Variants in TRIM44 observed in about 807,000 individuals in gnomAD.
TRIM44 encodes tripartite motif containing 44.
In TRIM44, 13 loss-of-function variants were observed where a neutral mutation model predicts 37.4. The ratio of observed to expected loss-of-function variants is 0.35; its 90% CI spans 0.23 to 0.55. TRIM44 has a LOEUF of 0.55. Among genes scored for constraint, TRIM44 ranks in the 20% least tolerant of loss-of-function variants. TRIM44 has a pLI of 0.89. For missense variants in TRIM44, 426 were observed against 437.2 expected (o/e 0.97, Z 0.23); for synonymous variants, 175 against 157.2 (o/e 1.11, Z -0.85).
In TRIM44 at chr11:35,757,406, C is replaced by T. The variant is rs550883259; in HGVS notation, c.1007+21961C>T. Among the ~76,000 whole-genome samples, 8 of 152,130 alleles carry T rather than the reference C, an allele frequency of 5.3e-5. No homozygotes were observed. The South Asian group carries it at 1.7e-3, about 32-fold the overall frequency. Reference sequence around the variant, plus strand: ...ATTCTTCTCTCTTTTCTTCATTAGTCTTGCTAGCAGTCTATCAATTTTGTT... The same window carrying T: ...ATTCTTCTCTCTTTTCTTCATTAGTTTTGCTAGCAGTCTATCAATTTTGTT... On this transcript the variant is annotated intron_variant, in intron 4 of 4. Coordinates refer to ENST00000299413, the MANE Select transcript of TRIM44 (RefSeq NM_017583.6).
chr11:35,798,415 A>G (rs1853321386), intron 4 of TRIM44, among the ~76,000 whole-genome samples: 1 of 152,208 alleles, frequency 6.6e-6, no homozygotes, highest in African/African-American at 2.4e-5. Context: ...TTTTCCTTTC[A>G]TAGTTCATTG....
chr11:35,781,277 A>G (rs1384600848), intron 4 of TRIM44, among the ~76,000 whole-genome samples: 1 of 152,148 alleles, frequency 6.6e-6, no homozygotes, highest in Non-Finnish European at 1.5e-5. Flanking sequence ...ATAACAGTGA[A>G]GCATGTTTCT....
rs192148703 is a variant in TRIM44, at chr11:35,780,757, A to G, written c.1008-25601A>G. Among the ~76,000 whole-genome samples, 150 of 148,560 alleles carry G rather than the reference A, an allele frequency of 1.0e-3. 2 individuals are homozygous for G. Among genetic ancestry groups the G allele is most frequent in the Admixed American group, 9.3e-3 (138 of 14,876 alleles). The stretch of plus-strand genomic sequence containing the variant: ...ACATATTAAATACATAGTACCCATC[A>G]GCCCCACCCCCACCCTCAGTCTGAA... On this transcript the variant is annotated intron_variant, in intron 4 of 4. Coordinates refer to ENST00000299413, the MANE Select transcript of TRIM44 (RefSeq NM_017583.6).
chr11:35,716,955 A>G (rs547771396), intron 2 of TRIM44, among the ~76,000 whole-genome samples: 66 of 152,212 alleles, frequency 4.3e-4, no homozygotes, highest in Non-Finnish European at 6.8e-4. Flanking sequence ...ATTGCAGTAT[A>G]CACATAAAGT....
intron 2 of TRIM44, among the ~76,000 whole-genome samples, chr11:35,699,460 A>G (rs1851753197): frequency 1.3e-5 from 2 of 152,158 alleles, no homozygotes; most frequent in South Asian, 4.1e-4. Flanking sequence ...TCTCAAAATA[A>G]TAAGAGCCAT....
chr11:35,681,716 A>C (rs1057415727), intron 1 of TRIM44, among the ~76,000 whole-genome samples: 2 of 152,034 alleles, frequency 1.3e-5, no homozygotes, highest in African/African-American at 4.8e-5. Context: ...CTCAATTAGA[A>C]CTCAGGTTTC....
At position 35,719,280 on chromosome 11, in the gene TRIM44, G is replaced by A. The variant is rs145743166; in HGVS notation, c.748-6644G>A. Among the ~76,000 whole-genome samples, 280 of 152,190 alleles carry A rather than the reference G, an allele frequency of 1.8e-3. 2 individuals carry two copies. Among genetic ancestry groups the A allele is most frequent in the African/African-American group, 6.5e-3 (269 of 41,534 alleles). ...TGTTTTGACTTGAACCATTCTAATA[G>A]GTGTGTATGGAATCTCACTGTTGTT... On this transcript the variant is annotated intron_variant, in intron 2 of 4. Transcript: ENST00000299413.
At chr11:35,785,840 T>C (rs1853125172) in intron 4 of TRIM44, among the ~76,000 whole-genome samples, 1 of 152,228 alleles carries the variant, frequency 6.6e-6, no homozygotes, top group Non-Finnish European at 1.5e-5. Flanking sequence ...ATGCATATAC[T>C]GGATAGTAAA....
chr11:35,719,123 A>G (rs1852071089), intron 2 of TRIM44, among the ~76,000 whole-genome samples: 1 of 152,152 alleles, frequency 6.6e-6, no homozygotes, highest in African/African-American at 2.4e-5. Flanking sequence ...GCTAGGTTCT[A>G]TGGTAAGAGT....
intron 4 of TRIM44, among the ~76,000 whole-genome samples, chr11:35,779,762 G>GTT (rs372152875): frequency 6.6e-6 from 1 of 150,618 alleles, no homozygotes; most frequent in Non-Finnish European, 1.5e-5. Flanking sequence ...TTTAATCTGA[G>GTT]TTTTTTTTTG....
At chr11:35,665,360 G>T (rs971631571) in intron 1 of TRIM44, among the ~76,000 whole-genome samples, 8 of 151,962 alleles carry the variant, frequency 5.3e-5, no homozygotes, top group African/African-American at 1.9e-4. Context: ...GAGTATATGA[G>T]AGTTCCTGTT....
At chr11:35,672,207 CT>C (rs902634849) in intron 1 of TRIM44, among the ~76,000 whole-genome samples, 1 of 152,138 alleles carries the variant, frequency 6.6e-6, no homozygotes, top group Non-Finnish European at 1.5e-5. Flanking sequence ...ATATTTTATA[CT>C]GTGATCTCCT....
chr11:35,701,541 G>A (rs1333200376), intron 2 of TRIM44, among the ~76,000 whole-genome samples: 1 of 152,118 alleles, frequency 6.6e-6, no homozygotes, highest in African/African-American at 2.4e-5. Flanking sequence ...CATTCCCTAA[G>A]CTGGGAATTG....
At chr11:35,763,114 T>G (rs1304175893) in intron 4 of TRIM44, among the ~76,000 whole-genome samples, 1 of 152,172 alleles carries the variant, frequency 6.6e-6, no homozygotes, top group Non-Finnish European at 1.5e-5. Flanking sequence ...TCTCCTTTAT[T>G]CTAAGACCAA....
chr11:35,734,276 AG>A (rs1852302664), intron 3 of TRIM44, among the ~76,000 whole-genome samples: 2 of 152,204 alleles, frequency 1.3e-5, no homozygotes, highest in Non-Finnish European at 2.9e-5. Flanking sequence ...CCTGTGTCAC[AG>A]GCACTGTGTT....
At chr11:35,794,098 G>A (rs934089262) in intron 4 of TRIM44, among the ~76,000 whole-genome samples, 7 of 152,192 alleles carry the variant, frequency 4.6e-5, no homozygotes, top group Non-Finnish European at 1.0e-4. Flanking sequence ...ACTTAGTTGT[G>A]TGCTTTTTCC....
At chr11:35,717,248 C>T (rs1055252862) in intron 2 of TRIM44, among the ~76,000 whole-genome samples, 1 of 152,114 alleles carries the variant, frequency 6.6e-6, no homozygotes, top group Middle Eastern at 3.2e-3. Context: ...GTGATTTTGC[C>T]CCCAGAGGGC....
rs1853567393 is a variant in TRIM44 at position 35,815,110 on chromosome 11, A to T, written c.*8725A>T. ...TCCCTAAGCCAGAGTGTAGTTAAAC[A>T]TTTATATGTCCCAGGCCAGGAGATC... On this transcript the variant is annotated 3_prime_UTR_variant, in exon 5 of 5. Coordinates refer to ENST00000299413, the MANE Select transcript of TRIM44 (RefSeq NM_017583.6). 1 of 152,118 alleles carries T rather than the reference A, an allele frequency of 6.6e-6. No individual in the cohort carries two copies. The highest frequency in any genetic ancestry group is 1.5e-5 in the Non-Finnish European group (1 of 68,040). 9.4% of individuals were successfully genotyped at this position (152,118 alleles called of 1,614,324 possible). A position where few individuals can be genotyped will look rare whatever the true frequency, so the allele number is the denominator to read the frequency against.
At chr11:35,725,091 CA>C (rs1852156947) in intron 2 of TRIM44, among the ~76,000 whole-genome samples, 3 of 151,910 alleles carry the variant, frequency 2.0e-5, no homozygotes, top group South Asian at 2.1e-4. Flanking sequence ...CACACACACA[CA>C]CACACACACA....
Sources: gnomAD v4.1 joint callset for allele counts (sites outside exome capture counted in the v4.1 genomes callset) on GRCh38, gnomAD v4.1.1 for gene constraint, MANE v1.5 for transcripts, NCBI Gene and HGNC (gene_info 2026-07-23, HGNC 2026-07-21) for gene names.